The following RIGI variants were observed in gnomAD, a reference collection of about 807,000 sequenced individuals.
The protein encoded by RIGI is RNA sensor RIG-I.
the RIGI span, among the ~76,000 whole-genome samples, chr9:32,504,646 C>G: frequency 9.3e-5 from 14 of 150,546 alleles, no homozygotes; most frequent in South Asian, 1.2e-3. Flanking sequence ...GATCCCACCA[C>G]TGCACTCCAG....
At chr9:32,457,516 T>C in the RIGI span, 1 of 1,045,920 alleles carries the variant, frequency 9.6e-7, no homozygotes, top group Non-Finnish European at 1.3e-6. Context: ...CACAATAATC[T>C]GAGGCAAAGA....
At chr9:32,513,656 A>G in the RIGI span, among the ~76,000 whole-genome samples, 2 of 152,240 alleles carry the variant, frequency 1.3e-5, no homozygotes, top group Admixed American at 6.5e-5. Context: ...ACCATTCAGG[A>G]CATAGGCACG....
At chr9:32,487,980 G>T in the RIGI span, 4 of 1,613,932 alleles carry the variant, frequency 2.5e-6, no homozygotes, top group African/African-American at 5.3e-5. Flanking sequence ...CCAAGTTTCT[G>T]ATCTAGATAA....
At chr9:32,492,592 A>G in the RIGI span, 81 of 1,599,566 alleles carry the variant, frequency 5.1e-5, no homozygotes, top group Non-Finnish European at 6.8e-5. Context: ...TTTTCCCTTT[A>G]TCAATTTTTA....
chr9:32,471,416 G>A, the RIGI span, among the ~76,000 whole-genome samples: 4,780 of 152,196 alleles, frequency 0.031, 272 homozygotes, highest in African/African-American at 0.11. Flanking sequence ...TAATTTCTTA[G>A]TTTATTCATC....
the RIGI span, among the ~76,000 whole-genome samples, chr9:32,482,117 C>T: frequency 1.3e-5 from 2 of 152,194 alleles, no homozygotes; most frequent in African/African-American, 4.8e-5. Context: ...ATGACAACCT[C>T]CAAACTGTTC....
At chr9:32,521,153 A>AAAAAAAAAAAAAC in the RIGI span, among the ~76,000 whole-genome samples, 2 of 150,494 alleles carry the variant, frequency 1.3e-5, 1 homozygote, top group Non-Finnish European at 3.0e-5. Context: ...AAAAAAAAAA[A>AAAAAAAAAAAAAC]AAAAAAAAAC....
chr9:32,504,592 C>T, the RIGI span, among the ~76,000 whole-genome samples: 5 of 151,436 alleles, frequency 3.3e-5, no homozygotes, highest in South Asian at 8.3e-4. Flanking sequence ...GCAGGAGAAT[C>T]GCTTGAACCC....
chr9:32,471,170 A>C, the RIGI span, among the ~76,000 whole-genome samples: 1 of 152,252 alleles, frequency 6.6e-6, no homozygotes, highest in Non-Finnish European at 1.5e-5. Flanking sequence ...AGGCATGAGA[A>C]TCACTTGAAA....
At chr9:32,504,876 A>G in the RIGI span, among the ~76,000 whole-genome samples, 8 of 139,050 alleles carry the variant, frequency 5.8e-5, no homozygotes, top group African/African-American at 2.1e-4. Flanking sequence ...AAATATATTT[A>G]ATACATAAAA....
the RIGI span, chr9:32,488,161 G>A: frequency 3.3e-5 from 53 of 1,613,920 alleles, no homozygotes; most frequent in African/African-American, 4.0e-5. Flanking sequence ...GTTCCACTGG[G>A]ACATTCTCAG....
At chr9:32,504,061 A>ACACACACACACACACACACACC in the RIGI span, among the ~76,000 whole-genome samples, 2 of 151,794 alleles carry the variant, frequency 1.3e-5, no homozygotes, top group Non-Finnish European at 2.9e-5. Flanking sequence ...ACACACACAC[A>ACACACACACACACACACACACC]CACACACCCA....
chr9:32,509,027 A>G, the RIGI span, among the ~76,000 whole-genome samples: 16,055 of 152,164 alleles, frequency 0.11, 1,017 homozygotes, highest in Middle Eastern at 0.28. Flanking sequence ...TGGCAAAGCC[A>G]CTATAGCTAG....
At chr9:32,517,741 G>A in the RIGI span, among the ~76,000 whole-genome samples, 1 of 152,276 alleles carries the variant, frequency 6.6e-6, no homozygotes, top group South Asian at 2.1e-4. Flanking sequence ...AATCTTCTGA[G>A]TTATTGATCA....
the RIGI span, among the ~76,000 whole-genome samples, chr9:32,519,623 G>A: frequency 0.14 from 20,982 of 152,094 alleles, 1,493 homozygotes; most frequent in Middle Eastern, 0.29. Context: ...AAACAATAGC[G>A]GTTTCAGATC....
the RIGI span, among the ~76,000 whole-genome samples, chr9:32,460,469 A>G: frequency 6.6e-6 from 1 of 152,212 alleles, no homozygotes; most frequent in East Asian, 1.9e-4. Context: ...ATAAACAGAA[A>G]GATCTCAAAC....
At chr9:32,508,260 C>CTTTTTTT in the RIGI span, among the ~76,000 whole-genome samples, 3 of 8,056 alleles carry the variant, frequency 3.7e-4, no homozygotes, top group African/African-American at 1.4e-3. Flanking sequence ...TTTTTTTTTA[C>CTTTTTTT]TATATGAAAA....
At chr9:32,514,450 T>C in the RIGI span, among the ~76,000 whole-genome samples, 1 of 152,122 alleles carries the variant, frequency 6.6e-6, no homozygotes, top group South Asian at 2.1e-4. Flanking sequence ...CTGGAAACCA[T>C]CATTCTCAGC....
chr9:32,469,822 G>A, the RIGI span, among the ~76,000 whole-genome samples: 4 of 152,302 alleles, frequency 2.6e-5, no homozygotes, highest in South Asian at 8.3e-4. Context: ...AAACCGTGTG[G>A]ATCCTAAAGA....
Sources: allele counts gnomAD v4.1 joint callset (sites outside exome capture counted in the v4.1 genomes callset), GRCh38; gene constraint gnomAD v4.1.1; transcripts MANE v1.5; gene names NCBI Gene and HGNC (gene_info 2026-07-23, HGNC 2026-07-21).